The following ECPAS variants were observed in gnomAD, a reference collection of about 807,000 sequenced individuals.
ECPAS encodes the protein proteasome adapter and scaffold protein ECM29.
A neutral mutation model predicts 255.1 loss-of-function variants in ECPAS; 70 were observed. That is an observed-to-expected ratio of 0.27 (90% CI 0.23 to 0.33). The LOEUF (loss-of-function observed/expected upper bound fraction) is 0.33. ECPAS is among the 10% of genes least tolerant of loss of function. ECPAS has a pLI of 1.00. For missense variants in ECPAS, 1,817 were observed against 2,206.4 expected, an observed-to-expected ratio of 0.82 and a Z score of 3.54; for synonymous variants, 784 against 775.0, an observed-to-expected ratio of 1.01 and a Z score of -0.19.
At chr9:111,423,093 T>C in intron 13 of ECPAS, 106 bp downstream of exon 13, 1 of 778,182 alleles carries the variant, frequency 1.3e-6, no homozygotes, top group Non-Finnish European at 2.1e-6. Context: ...TTAAATACAT[T>C]CCCTTTCAGA....
At chr9:111,473,631 C>G (rs2098292270) in intron 1 of ECPAS, among the ~76,000 whole-genome samples, 1 of 152,198 alleles carries the variant, frequency 6.6e-6, no homozygotes, top group Non-Finnish European at 1.5e-5. Flanking sequence ...TTCCCACACA[C>G]CCGCAATCCA....
At chr9:111,376,452 C>G in intron 37 of ECPAS, 24 bp downstream of exon 37, 1 of 1,552,698 alleles carries the variant, frequency 6.4e-7, no homozygotes. Flanking sequence ...AACAAACCCT[C>G]TCATTATTAT....
chr9:111,463,350 G>C (rs2098275499), intron 2 of ECPAS, among the ~76,000 whole-genome samples: 1 of 152,180 alleles, frequency 6.6e-6, no homozygotes, highest in African/African-American at 2.4e-5. Flanking sequence ...GAGAGAACTA[G>C]AAATATCTGG....
intron 20 of ECPAS, among the ~76,000 whole-genome samples, chr9:111,413,037 C>T (rs2098197153): frequency 6.6e-6 from 1 of 152,132 alleles, no homozygotes; most frequent in Non-Finnish European, 1.5e-5. Context: ...ACCTGGCATC[C>T]CTTTTGGTGT....
chr9:111,372,868 C>A (rs986542632), intron 41 of ECPAS, among the ~76,000 whole-genome samples: 1 of 151,982 alleles, frequency 6.6e-6, no homozygotes, highest in Non-Finnish European at 1.5e-5. Context: ...CCCACCTATA[C>A]AAAAAATACA....
intron 3 of ECPAS, among the ~76,000 whole-genome samples, chr9:111,449,604 T>C (rs567642808): frequency 5.1e-4 from 78 of 152,066 alleles, no homozygotes; most frequent in African/African-American, 1.8e-3. Flanking sequence ...AAAAATAAAA[T>C]ACAAAGAAAC....
intron 21 of ECPAS, chr9:111,411,514 A>G (rs1344625600): frequency 1.6e-5 from 3 of 190,208 alleles, no homozygotes; most frequent in Admixed American, 5.8e-5. Flanking sequence ...ATGTCTTCCT[A>G]TTGCCAACAA....
chr9:111,418,185 G>T (rs2098207382), intron 16 of ECPAS, among the ~76,000 whole-genome samples, 179 bp from the exon 17 acceptor site: 1 of 152,156 alleles, frequency 6.6e-6, no homozygotes, highest in South Asian at 2.1e-4. Context: ...CTTCTTTTCA[G>T]AAATTGCATG....
intron 2 of ECPAS, among the ~76,000 whole-genome samples, chr9:111,472,497 G>A (rs879867528): frequency 2.0e-5 from 3 of 151,826 alleles, no homozygotes; most frequent in Non-Finnish European, 2.9e-5. Flanking sequence ...AATTAGCCAG[G>A]TGTGATGGCA....
intron 41 of ECPAS, among the ~76,000 whole-genome samples, chr9:111,372,941 A>G (rs755648338): frequency 1.5e-4 from 23 of 152,204 alleles, no homozygotes; most frequent in Non-Finnish European, 2.9e-4. Context: ...CTGAGACACA[A>G]GAATCGCTTG....
At chr9:111,433,157 TAAAC>T in intron 8 of ECPAS, 72 bp downstream of exon 8, 1 of 1,522,944 alleles carries the variant, frequency 6.6e-7, no homozygotes, top group South Asian at 1.2e-5. Flanking sequence ...AAAAAATCCT[TAAAC>T]AAAAAATGTG....
At chr9:111,389,829 T>C in intron 30 of ECPAS, 106 bp from the exon 31 acceptor site, 1 of 1,273,678 alleles carries the variant, frequency 7.9e-7, no homozygotes, top group East Asian at 2.5e-5. Context: ...CCTGATTTAT[T>C]GGTCTTTCCA....
intron 25 of ECPAS, among the ~76,000 whole-genome samples, chr9:111,396,466 G>C (rs2098167824): frequency 6.6e-6 from 1 of 152,204 alleles, no homozygotes. Context: ...CTCGTGAAAA[G>C]AGCACAAGCT....
chr9:111,380,707 T>G (rs2098139523), intron 35 of ECPAS, among the ~76,000 whole-genome samples: 1 of 152,222 alleles, frequency 6.6e-6, no homozygotes, highest in South Asian at 2.1e-4. Flanking sequence ...GTAGACACCT[T>G]TATCAGTGAT....
intron 8 of ECPAS, among the ~76,000 whole-genome samples, chr9:111,432,999 T>G (rs547863005): frequency 4.6e-5 from 7 of 151,932 alleles, no homozygotes; most frequent in Non-Finnish European, 1.0e-4. Context: ...TCTCATTGAT[T>G]GTGATGACAT....
Position 111,413,949 on chromosome 9 carries a change from T to G in ECPAS, c.2025A>C (p.Ser675=), listed in dbSNP as rs757372571. Residue 675 remains serine, a synonymous_variant, in exon 20 of 50, where the codon TCA becomes TCC. Transcript: ENST00000684092. ...TGGTAGCCAGCTTTTCTGGATACACTGACACAGCTTCCAATAGACAGTACA... is the reference window on the plus strand; with the variant it reads ...TGGTAGCCAGCTTTTCTGGATACACGGACACAGCTTCCAATAGACAGTACA... ...PVMYCLLEAV[S]VYPEKLATKF... 12 of 1,589,454 alleles carry G rather than the reference T, an allele frequency of 7.5e-6. No homozygotes were observed. Among genetic ancestry groups the G allele is most frequent in the African/African-American group, 1.3e-5 (1 of 74,622 alleles).
At chr9:111,416,539 T>C (rs1057451691) in intron 17 of ECPAS, among the ~76,000 whole-genome samples, 187 bp from the exon 18 acceptor site, 1 of 152,212 alleles carries the variant, frequency 6.6e-6, no homozygotes, top group Non-Finnish European at 1.5e-5. Flanking sequence ...AAAAGACAAG[T>C]GTATTGCCCT....
chr9:111,484,201 G>A lies in ECPAS; in HGVS notation c.-168C>T. On this transcript the variant is annotated 5_prime_UTR_variant, in exon 1 of 50. Transcript: ENST00000684092. ...GTAGAGCGAGGCGTTCGGCGGGCCG[G>A]GCCCCGGGGAGCCGCGCGCCGCAGT... The A allele has an allele frequency of 6.8e-7, 1 of 1,477,182 alleles. No homozygotes were observed. Among genetic ancestry groups the A allele is most frequent in the South Asian group, 1.3e-5 (1 of 75,910 alleles). The allele number at this position is 1,477,182 out of a possible 1,614,324, so 91.5% of individuals were successfully genotyped here.
At position 111,386,260 on chromosome 9, in the gene ECPAS, G is replaced by A. The variant is rs151170604; in HGVS notation, c.3527+117C>T. On this transcript the variant is annotated intron_variant, in intron 32 of 49. Coordinates refer to ENST00000684092, the MANE Select transcript of ECPAS (RefSeq NM_001364929.1). ...ATCACAGGTGTGAGCCACCACGCCC[G>A]GCCAGCTTTTTAGTAGTTTTAATTT... 511 of 730,740 alleles carry A rather than the reference G, an allele frequency of 7.0e-4. No homozygotes were observed. In the African/African-American group the frequency reaches 7.5e-3, roughly 11 times the overall value. The allele number at this position is 730,740 out of a possible 1,614,324, so 45.3% of individuals were successfully genotyped here. A position where few individuals can be genotyped will look rare whatever the true frequency, so the allele number is the denominator to read the frequency against.
Sources: allele counts gnomAD v4.1 joint callset (sites outside exome capture counted in the v4.1 genomes callset), GRCh38; gene constraint gnomAD v4.1.1; transcripts MANE v1.5; gene names NCBI Gene and HGNC (gene_info 2026-07-23, HGNC 2026-07-21).